SRGAP2: variants seen among roughly 807,000 people sequenced by gnomAD.
SRGAP2 encodes SLIT-ROBO Rho GTPase activating protein 2.
A neutral mutation model predicts 57.2 loss-of-function variants in SRGAP2; 15 were observed. That is an observed-to-expected ratio of 0.26 (90% CI 0.18 to 0.40). The LOEUF (loss-of-function observed/expected upper bound fraction) is 0.40, where lower values mean the gene tolerates loss of function less well. Ranked by LOEUF, SRGAP2 falls within the 10% of genes least tolerant of loss-of-function variation. The pLI is 1.00. For synonymous variants in SRGAP2, 249 were observed against 248.0 expected (o/e 1.00, Z -0.04); for missense variants, 520 against 669.6 (o/e 0.78, Z 2.47).
intron 4 of SRGAP2, among the ~76,000 whole-genome samples, chr1:206,363,702 T>C (rs1677076477): frequency 6.6e-6 from 1 of 152,130 alleles, no homozygotes. Context: ...TGTTCCTCAA[T>C]TTTGGTTTGT....
At chr1:206,394,764 G>A (rs1657406468) in intron 7 of SRGAP2, among the ~76,000 whole-genome samples, 1 of 151,938 alleles carries the variant, frequency 6.6e-6, no homozygotes, top group African/African-American at 2.4e-5. Flanking sequence ...TCTTGGCCTT[G>A]TTTTTCCTGC....
At chr1:206,352,839 A>C (rs1404001008) in intron 4 of SRGAP2, among the ~76,000 whole-genome samples, 1 of 151,890 alleles carries the variant, frequency 6.6e-6, no homozygotes, top group Admixed American at 6.6e-5. Context: ...TGTTTTAAAG[A>C]GATGGAGTCT....
At chr1:206,282,058 T>G (rs1363574941) in intron 2 of SRGAP2, among the ~76,000 whole-genome samples, 1 of 112,142 alleles carries the variant, frequency 8.9e-6, no homozygotes, top group African/African-American at 3.8e-5. Flanking sequence ...TCAAAGCAAG[T>G]CATGTAGTGT....
rs1553376721 is a variant in SRGAP2, at chr1:206,453,217, G to A, written c.2197G>A (p.Ala733Thr). The A allele has an allele frequency of 1.7e-6, 1 of 574,010 alleles. No homozygotes were observed. The highest frequency in any genetic ancestry group is 2.7e-5 in the Admixed American group (1 of 36,666). The allele number at this position is 574,010 out of a possible 1,614,324, so 35.6% of individuals were successfully genotyped here. The part of the protein sequence containing the change: ...TSDDECEPIE[A>T]IAKFDYVGRT... ...CTTCTCAGAATGTGAGCCCATCGAG[G>A]CCATTGCCAAGTTTGACTACGTGGG... The change falls in exon 20 of 23, where the codon GCC (alanine) becomes ACC (threonine). Residue 733 changes from alanine (A) to threonine (T), a missense_variant. Ala to Thr is a moderately conservative substitution (Grantham distance 58). Transcript: ENST00000573034.
chr1:206,462,102 A>G lies in SRGAP2; in HGVS notation c.*682A>G, dbSNP rs1664310768. 3 of 152,216 alleles carry G rather than the reference A, an allele frequency of 2.0e-5. No homozygotes were observed. Among genetic ancestry groups the G allele is most frequent in the Non-Finnish European group, 2.9e-5 (2 of 68,066 alleles). The allele number at this position is 152,216 out of a possible 1,614,324, so 9.4% of individuals were successfully genotyped here. ...TTGAAATCTCTCCATCATATGAAAC[A>G]TAACGGGATGGGACAATCCCGTAAC... On this transcript the variant is annotated 3_prime_UTR_variant, in exon 23 of 23. Transcript: ENST00000573034.
In SRGAP2 at chr1:206,210,156, T is replaced by A. The variant is rs1432713319; in HGVS notation, c.67+4119T>A. On this transcript the variant is annotated intron_variant, in intron 2 of 22. Coordinates refer to ENST00000573034, the MANE Select transcript of SRGAP2 (RefSeq NM_015326.5). ...GAAGGTGGTAAGTTGCAGGGCATGG[T>A]TACCAGGGTTGTGAATCTGGGTGGT... 1.3e-5 allele frequency among the ~76,000 whole-genome samples: 2 copies of A among 150,388 alleles called. 1 individual carries two copies. The highest frequency in any genetic ancestry group is 1.3e-4 in the Admixed American group (2 of 15,130).
intron 2 of SRGAP2, among the ~76,000 whole-genome samples, chr1:206,257,734 CTATATATATACA>C (rs1174314555): frequency 5.1e-5 from 5 of 97,548 alleles, no homozygotes; most frequent in East Asian, 5.7e-4. Context: ...GGAAAGCAGA[CTATATATATACA>C]TATATATATA....
rs1424616692 is a variant in SRGAP2 at position 206,462,970 on chromosome 1, G to C, written c.*1550G>C. The stretch of plus-strand genomic sequence containing the variant: ...AAGCTGAAACTCATCCTTCTTCTCT[G>C]TGTTTTCTGGTTTAAAAGCTGCACT... On this transcript the variant is annotated 3_prime_UTR_variant, in exon 23 of 23. Transcript: ENST00000573034. The C allele has an allele frequency of 6.6e-6, 1 of 152,186 alleles. No individual in the cohort carries two copies. The highest frequency in any genetic ancestry group is 1.9e-4 in the East Asian group (1 of 5,196). 9.4% of individuals were successfully genotyped at this position (152,186 alleles called of 1,614,324 possible). A position where few individuals can be genotyped will look rare whatever the true frequency, so the allele number is the denominator to read the frequency against.
At chr1:206,414,435 AAGAC>A (rs782727807) in intron 10 of SRGAP2, among the ~76,000 whole-genome samples, 5 of 152,232 alleles carry the variant, frequency 3.3e-5, no homozygotes, top group East Asian at 1.9e-4. Flanking sequence ...TATACATTAA[AAGAC>A]AGACAGAACT....
At chr1:206,410,799 G>C (rs1271642925) in intron 10 of SRGAP2, among the ~76,000 whole-genome samples, 2 of 152,202 alleles carry the variant, frequency 1.3e-5, no homozygotes, top group Non-Finnish European at 2.9e-5. Flanking sequence ...CTCATAGGCA[G>C]TGATGCTCGC....
At chr1:206,311,356 A>T (rs1367295238) in intron 3 of SRGAP2, among the ~76,000 whole-genome samples, 41 of 152,246 alleles carry the variant, frequency 2.7e-4, no homozygotes, top group African/African-American at 9.6e-4. Flanking sequence ...AAGAAGAGAG[A>T]TTTCTTCTGA....
At chr1:206,436,095 A>ATT (rs11412848) in intron 14 of SRGAP2, among the ~76,000 whole-genome samples, 12 of 149,726 alleles carry the variant, frequency 8.0e-5, no homozygotes, top group Non-Finnish European at 1.3e-4. Flanking sequence ...TTTTGGGGGG[A>ATT]TTTTTTTTTT....
intron 5 of SRGAP2, among the ~76,000 whole-genome samples, chr1:206,385,766 C>A (rs1656168507): frequency 6.6e-6 from 1 of 152,156 alleles, no homozygotes; most frequent in Admixed American, 6.5e-5. Flanking sequence ...CCTCTGACTG[C>A]AGACTTAAGA....
At position 206,458,659 on chromosome 1, in the gene SRGAP2, A is replaced by T. The variant is rs782666240; in HGVS notation, c.2544A>T (p.Lys848Asn). ...RKRPESGSIR[K>N]TFRSDSHGLS... ...GTCCAGAATCTGGGAGCATCCGGAA[A>T]ACTTTTCGGAGTGACAGCCATGGGC... Residue 848 changes from lysine (K) to asparagine (N), a missense_variant, in exon 22 of 23, where the codon AAA becomes AAT. Lys to Asn is a moderately conservative substitution (Grantham distance 94). Transcript: ENST00000573034. 13 of 770,944 alleles carry T rather than the reference A, an allele frequency of 1.7e-5. No individual in the cohort carries two copies. The highest frequency in any genetic ancestry group is 3.2e-5 in the Non-Finnish European group (13 of 411,710). 47.8% of individuals were successfully genotyped at this position (770,944 alleles called of 1,614,324 possible).
intron 2 of SRGAP2, among the ~76,000 whole-genome samples, chr1:206,237,083 C>T (rs71263598): frequency 0.13 from 18,861 of 147,548 alleles, 2,135 homozygotes; most frequent in African/African-American, 0.31. Context: ...TGAAACCCCA[C>T]CTCTACTAAA....
At chr1:206,370,314 C>T (rs1317063995) in intron 4 of SRGAP2, among the ~76,000 whole-genome samples, 1 of 151,968 alleles carries the variant, frequency 6.6e-6, no homozygotes, top group African/African-American at 2.4e-5. Context: ...GTGGAAGCAA[C>T]CCAAATGTTA....
intron 2 of SRGAP2, among the ~76,000 whole-genome samples, chr1:206,254,797 A>G (rs1156976506): frequency 6.6e-6 from 1 of 151,534 alleles, no homozygotes; most frequent in African/African-American, 2.4e-5. Context: ...GCTTATAGCC[A>G]GTAGAAGCTC....
intron 4 of SRGAP2, among the ~76,000 whole-genome samples, chr1:206,383,235 T>G: frequency 6.7e-6 from 1 of 149,814 alleles, no homozygotes; most frequent in East Asian, 1.9e-4. Context: ...ATGTTGGCCA[T>G]GCTGGTCTCG....
intron 13 of SRGAP2, among the ~76,000 whole-genome samples, chr1:206,424,657 A>G (rs1164026075): frequency 6.6e-6 from 1 of 152,242 alleles, no homozygotes; most frequent in Non-Finnish European, 1.5e-5. Flanking sequence ...CTCTGTCCCA[A>G]AATAAATTAA....
Sources: gnomAD v4.1 joint callset for allele counts (sites outside exome capture counted in the v4.1 genomes callset) on GRCh38, gnomAD v4.1.1 for gene constraint, MANE v1.5 for transcripts, NCBI Gene and HGNC (gene_info 2026-07-23, HGNC 2026-07-21) for gene names.